VRK2: variants seen among roughly 807,000 people sequenced by gnomAD.
The protein encoded by VRK2 is VRK serine/threonine kinase 2, also known as serine/threonine-protein kinase VRK2.
In VRK2, 60 loss-of-function variants were observed where a neutral mutation model predicts 57.6. The ratio of observed to expected loss-of-function variants is 1.04; its 90% CI spans 0.85 to 1.29. The LOEUF is 1.29. Among genes scored for constraint, VRK2 ranks in the 50% most tolerant of loss-of-function variants. VRK2 has a pLI of 0.00. For synonymous variants in VRK2, 231 were observed against 199.2 expected (o/e 1.16, Z -1.35); for missense variants, 705 against 588.1 (o/e 1.20, Z -2.06).
intron 2 of VRK2, among the ~76,000 whole-genome samples, chr2:58,076,019 AGACAGGAGTAAG>A (rs1670052128): frequency 6.6e-6 from 1 of 151,624 alleles, no homozygotes; most frequent in Admixed American, 6.6e-5. Flanking sequence ...CCCCTTAAGA[AGACAGGAGTAAG>A]GACCTCCAAG....
rs1031140242 is a variant in VRK2 at position 58,056,271 on chromosome 2, A to G, written c.136+7304A>G. Among the ~76,000 whole-genome samples the G allele has an allele frequency of 1.1e-4, 16 of 152,140 alleles. No individual in the cohort carries two copies. The East Asian group carries it at 1.3e-3, about 13-fold the overall frequency. On this transcript the variant is annotated intron_variant, in intron 2 of 12. Transcript: ENST00000340157. ...AAACTTTATCTATGGAACAGATTCC[A>G]TGAGACCGTTGTGAATACTTCAACG...
intron 1 of VRK2, among the ~76,000 whole-genome samples, chr2:57,960,082 G>T: frequency 7.4e-6 from 1 of 135,222 alleles, no homozygotes; most frequent in African/African-American, 2.8e-5. Flanking sequence ...TGTGACGGGG[G>T]CTGGGGGGAG....
chr2:58,016,918 C>A (rs1463432928), intron 1 of VRK2, among the ~76,000 whole-genome samples: 2 of 152,142 alleles, frequency 1.3e-5, no homozygotes, highest in Non-Finnish European at 2.9e-5. Context: ...TCTGTTTGCT[C>A]AACTTTACGG....
intron 7 of VRK2, among the ~76,000 whole-genome samples, chr2:58,119,545 C>T (rs935370390): frequency 6.6e-6 from 1 of 151,118 alleles, no homozygotes; most frequent in African/African-American, 2.4e-5. Flanking sequence ...TTCTGAGCCC[C>T]AACAGGTCAA....
intron 12 of VRK2, chr2:58,154,666 G>A (rs975431375): frequency 2.8e-6 from 2 of 706,220 alleles, no homozygotes; most frequent in South Asian, 1.5e-5. Context: ...CATTTAAAGG[G>A]GTCTTTAAAT....
intron 7 of VRK2, among the ~76,000 whole-genome samples, chr2:58,111,655 C>G (rs1023706712): frequency 3.9e-5 from 6 of 152,108 alleles, no homozygotes; most frequent in Non-Finnish European, 7.3e-5. Flanking sequence ...AGTCTTACTA[C>G]AACGCAAATA....
chr2:57,938,877 C>T (rs745663173), intron 1 of VRK2, among the ~76,000 whole-genome samples: 7 of 152,098 alleles, frequency 4.6e-5, no homozygotes, highest in Non-Finnish European at 8.8e-5. Flanking sequence ...AAAGAACTTG[C>T]TTTCCTCTTC....
chr2:57,927,538 C>T (rs1670580608), intron 1 of VRK2, among the ~76,000 whole-genome samples: 1 of 152,066 alleles, frequency 6.6e-6, no homozygotes, highest in African/African-American at 2.4e-5. Context: ...GCCTCCCAAA[C>T]TGATGGGCAT....
upstream of VRK2, among the ~76,000 whole-genome samples, chr2:58,041,655 A>G (rs1674461775): frequency 6.6e-6 from 1 of 152,192 alleles, no homozygotes; most frequent in Admixed American, 6.5e-5. Context: ...CATTCTGTAG[A>G]GAATCCCCTT....
At chr2:58,043,621 T>A (rs1049814599), upstream of VRK2, among the ~76,000 whole-genome samples, 6 of 152,212 alleles carry the variant, frequency 3.9e-5, no homozygotes, top group South Asian at 2.1e-4. Context: ...AGATATAGTA[T>A]AATTTGCTTA....
chr2:58,047,514 C>T (rs1675017036), intron 1 of VRK2: 1 of 913,046 alleles, frequency 1.1e-6, no homozygotes, highest in South Asian at 5.0e-5. Context: ...GCCCTGAGGC[C>T]GCTGCCTTGC....
intron 7 of VRK2, among the ~76,000 whole-genome samples, chr2:58,111,486 C>T (rs1364598955): frequency 1.3e-5 from 2 of 152,142 alleles, no homozygotes; most frequent in African/African-American, 2.4e-5. Context: ...GGCGTGGCAG[C>T]TCACGCCTGT....
At chr2:58,034,220 G>A (rs1342236324) in intron 3 of VRK2, among the ~76,000 whole-genome samples, 3 of 151,934 alleles carry the variant, frequency 2.0e-5, no homozygotes, top group African/African-American at 7.3e-5. Flanking sequence ...ATTTCAGTAT[G>A]GTCTGTTCTT....
intron 1 of VRK2, among the ~76,000 whole-genome samples, chr2:58,008,599 A>G (rs10191766): frequency 0.086 from 13,080 of 152,092 alleles, 1,973 homozygotes; most frequent in African/African-American, 0.3. Flanking sequence ...CAATTTATGT[A>G]GTTAGTAAAG....
At chr2:57,942,000 G>T (rs189343970) in intron 1 of VRK2, among the ~76,000 whole-genome samples, 27 of 152,270 alleles carry the variant, frequency 1.8e-4, no homozygotes, top group African/African-American at 6.3e-4. Flanking sequence ...TGTCTTAATT[G>T]TTCCCAAGAC....
intron 1 of VRK2, among the ~76,000 whole-genome samples, chr2:58,013,597 C>T (rs377156185): frequency 2.0e-5 from 3 of 152,100 alleles, no homozygotes; most frequent in Admixed American, 2.0e-4. Flanking sequence ...CAGGGCCGGG[C>T]GCGGTGGCTC....
rs142753927 is a variant in VRK2, at chr2:58,111,381, A to C, written c.544-11720A>C. ...GTGTCAAGGTGAAGGGAAGCAGGTA[A>C]GGCTGTCCCTCGTACTCATGGAGAA... is the stretch of plus-strand genomic sequence containing the variant. On this transcript the variant is annotated intron_variant, in intron 7 of 12. Transcript: ENST00000340157. Among the ~76,000 whole-genome samples, 1,140 of 152,286 alleles carry C rather than the reference A, an allele frequency of 7.5e-3. 18 individuals carry two copies. The highest frequency in any genetic ancestry group is 0.026 in the African/African-American group (1,086 of 41,562).
At chr2:58,088,035 G>A (rs961190730) in intron 5 of VRK2, among the ~76,000 whole-genome samples, 1 of 152,152 alleles carries the variant, frequency 6.6e-6, no homozygotes, top group Non-Finnish European at 1.5e-5. Context: ...CATATGGCAA[G>A]AAAGTCATGG....
intron 1 of VRK2, among the ~76,000 whole-genome samples, chr2:58,018,685 G>A (rs1183119897): frequency 6.6e-6 from 1 of 152,066 alleles, no homozygotes; most frequent in Non-Finnish European, 1.5e-5. Context: ...AAACTTTGGT[G>A]TTGTTTATTT....
Sources: gnomAD v4.1 joint callset for allele counts (sites outside exome capture counted in the v4.1 genomes callset) on GRCh38, gnomAD v4.1.1 for gene constraint, MANE v1.5 for transcripts, NCBI Gene and HGNC (gene_info 2026-07-23, HGNC 2026-07-21) for gene names.